The following CHODL variants were observed in gnomAD, a reference collection of about 807,000 sequenced individuals.
CHODL encodes transmembrane protein MT75.
Under a neutral mutation model 34.5 loss-of-function variants are expected in CHODL, and 29 were observed. The ratio of observed to expected loss-of-function variants is 0.84; its 90% CI spans 0.63 to 1.15. The LOEUF (loss-of-function observed/expected upper bound fraction) is 1.15, where lower values mean the gene tolerates loss of function less well. Ranked by LOEUF, CHODL falls within the 50% of genes most tolerant of loss-of-function variation. The pLI, the probability that CHODL is intolerant of heterozygous loss-of-function variation, is 0.00. For missense variants in CHODL, 332 were observed against 332.5 expected (o/e 1.00, Z 0.01); for synonymous variants, 125 against 116.1 (o/e 1.08, Z -0.49).
chr21:18,262,894 G>A lies in CHODL; in HGVS notation c.737+1G>A, dbSNP rs758340682. On this transcript the variant is annotated splice_donor_variant, in intron 5 of 5. Coordinates refer to ENST00000299295, the MANE Select transcript of CHODL (RefSeq NM_024944.3). LOFTEE classifies it high-confidence loss of function. ...GTTGTTTCCAGATGCTGCATAAAAG[G>A]TAAATAACTCATATATGTAGAGACA... 6.5e-7 allele frequency: 1 copy of A among 1,545,668 alleles called. No individual in the cohort carries two copies. Among genetic ancestry groups the A allele is most frequent in the Non-Finnish European group, 8.9e-7 (1 of 1,118,718 alleles).
chr21:18,181,792 G>A (rs1484379851), intron 2 of CHODL, among the ~76,000 whole-genome samples: 1 of 152,202 alleles, frequency 6.6e-6, no homozygotes, highest in Non-Finnish European at 1.5e-5. Flanking sequence ...GAATCATATA[G>A]TAGATGGTCT....
intron 1 of CHODL, among the ~76,000 whole-genome samples, chr21:17,934,659 G>A (rs903580988): frequency 1.3e-5 from 2 of 151,920 alleles, no homozygotes; most frequent in East Asian, 1.9e-4. Context: ...TTATTATAAC[G>A]TTTTTCATCC....
rs547224493 is a variant in CHODL at position 18,193,470 on chromosome 21, C to T, written c.-44-63039C>T. On this transcript the variant is annotated intron_variant, in intron 2 of 6. Coordinates refer to the CHODL transcript ENST00000400127. Reference sequence around the variant, plus strand: ...CAGCATTTTGGGAGGCTGAGGCGGGCGGATCACGAGGTCAGGAGTTTGAGA... The same window carrying T: ...CAGCATTTTGGGAGGCTGAGGCGGGTGGATCACGAGGTCAGGAGTTTGAGA... 2.0e-4 allele frequency among the ~76,000 whole-genome samples: 31 copies of T among 151,730 alleles called. No individual in the cohort carries two copies. In the East Asian group the frequency reaches 2.1e-3, roughly 10 times the overall value.
intron 2 of CHODL, among the ~76,000 whole-genome samples, chr21:18,220,372 G>A (rs1041541094): frequency 2.6e-5 from 4 of 151,938 alleles, no homozygotes; most frequent in African/African-American, 9.7e-5. Context: ...TTTAAAAATT[G>A]TTTTCTTCTT....
At chr21:18,130,049 A>G (rs2072636414) in intron 2 of CHODL, among the ~76,000 whole-genome samples, 1 of 152,104 alleles carries the variant, frequency 6.6e-6, no homozygotes, top group South Asian at 2.1e-4. Flanking sequence ...CACCGGAGCA[A>G]GGAGAAGGAA....
At chr21:17,952,661 A>G (rs2063468045) in intron 1 of CHODL, among the ~76,000 whole-genome samples, 2 of 152,196 alleles carry the variant, frequency 1.3e-5, no homozygotes. Flanking sequence ...ATTTGAAAAT[A>G]GTCAACATGT....
intron 1 of CHODL, among the ~76,000 whole-genome samples, chr21:17,976,118 C>T (rs2063659767): frequency 6.6e-6 from 1 of 151,680 alleles, no homozygotes; most frequent in Non-Finnish European, 1.5e-5. Context: ...CCAAAATCCT[C>T]AAATTAGCCA....
chr21:18,204,050 CA>C (rs2073685291), intron 2 of CHODL, among the ~76,000 whole-genome samples: 2 of 152,094 alleles, frequency 1.3e-5, no homozygotes, highest in African/African-American at 4.8e-5. Flanking sequence ...CATTTTTACT[CA>C]AAAGCTGTTA....
At chr21:18,050,148 T>G (rs534567897) in intron 2 of CHODL, among the ~76,000 whole-genome samples, 1 of 152,036 alleles carries the variant, frequency 6.6e-6, no homozygotes, top group East Asian at 1.9e-4. Flanking sequence ...TGAAACCTGC[T>G]TCGTGTGATC....
At chr21:18,232,434 C>T (rs936090192) in intron 2 of CHODL, among the ~76,000 whole-genome samples, 26 of 152,046 alleles carry the variant, frequency 1.7e-4, no homozygotes, top group African/African-American at 6.0e-4. Context: ...GCCTCTTCCT[C>T]ATACATGGCA....
chr21:18,028,109 A>C (rs2064196229), intron 2 of CHODL: 1 of 152,158 alleles, frequency 6.6e-6, no homozygotes, highest in African/African-American at 2.4e-5. Context: ...TTTCAGTGTG[A>C]ATTTAAATGT....
intron 2 of CHODL, among the ~76,000 whole-genome samples, chr21:18,136,475 A>G (rs1037280965): frequency 2.0e-5 from 3 of 152,134 alleles, no homozygotes; most frequent in Non-Finnish European, 2.9e-5. Context: ...AATGGGGATC[A>G]TCATCTCTCA....
chr21:18,023,668 C>T (rs1268739814), intron 1 of CHODL, among the ~76,000 whole-genome samples: 3 of 152,084 alleles, frequency 2.0e-5, no homozygotes, highest in Non-Finnish European at 4.4e-5. Flanking sequence ...TGTTTTCTCC[C>T]CTTAACCAAT....
At chr21:17,957,271 C>G (rs1185820154) in intron 1 of CHODL, among the ~76,000 whole-genome samples, 1 of 152,122 alleles carries the variant, frequency 6.6e-6, no homozygotes, top group Admixed American at 6.6e-5. Context: ...TATCTAGTTT[C>G]ATGTCAGTCT....
chr21:17,991,066 CTG>C (rs1344518887), intron 1 of CHODL, among the ~76,000 whole-genome samples: 1 of 152,056 alleles, frequency 6.6e-6, no homozygotes, highest in African/African-American at 2.4e-5. Flanking sequence ...TGATATTTGT[CTG>C]TGTGTAGTTT....
chr21:17,928,514 G>T (rs141194436), intron 1 of CHODL, among the ~76,000 whole-genome samples: 2 of 152,142 alleles, frequency 1.3e-5, no homozygotes, highest in Non-Finnish European at 2.9e-5. Flanking sequence ...GTATAAAGAT[G>T]TAAGAAGTGC....
At chr21:18,049,046 A>T (rs1316510976) in intron 2 of CHODL, among the ~76,000 whole-genome samples, 3 of 151,962 alleles carry the variant, frequency 2.0e-5, no homozygotes, top group African/African-American at 7.2e-5. Flanking sequence ...AAACAATACA[A>T]AATTAGTATT....
At chr21:18,082,799 G>A (rs1158675774) in intron 2 of CHODL, among the ~76,000 whole-genome samples, 1 of 152,064 alleles carries the variant, frequency 6.6e-6, no homozygotes, top group Non-Finnish European at 1.5e-5. Flanking sequence ...TGGCCTGGCT[G>A]CTCCTAACAG....
intron 2 of CHODL, among the ~76,000 whole-genome samples, chr21:18,211,776 C>T (rs75675918): frequency 0.022 from 3,321 of 152,170 alleles, 116 homozygotes; most frequent in African/African-American, 0.074. Context: ...TAGACAGAAC[C>T]GACCTGGAAC....
Sources: allele counts gnomAD v4.1 joint callset (sites outside exome capture counted in the v4.1 genomes callset), GRCh38; gene constraint gnomAD v4.1.1; transcripts MANE v1.5; gene names NCBI Gene and HGNC (gene_info 2026-07-23, HGNC 2026-07-21).